Variants in RAB40C observed in about 807,000 individuals in gnomAD.
The protein encoded by RAB40C is ras-related protein Rab-40C.
In RAB40C, 8 loss-of-function variants were observed where a neutral mutation model predicts 28.1. The observed-to-expected ratio is 0.28, with a 90% CI of 0.17 to 0.51. RAB40C has a LOEUF of 0.51. Among genes scored for constraint, RAB40C ranks in the 20% least tolerant of loss-of-function variants. The pLI is 0.97. For missense variants in RAB40C, 288 were observed against 405.9 expected (o/e 0.71, Z 2.50); for synonymous variants, 201 against 171.7 (o/e 1.17, Z -1.34).
chr16:598,302 C>G (rs546807458), intron 1 of RAB40C, among the ~76,000 whole-genome samples: 1 of 151,224 alleles, frequency 6.6e-6, no homozygotes, highest in African/African-American at 2.4e-5. Context: ...GGCGTGAATC[C>G]AGGAGGCAGA....
intron 1 of RAB40C, among the ~76,000 whole-genome samples, 193 bp downstream of exon 1, chr16:590,626 C>T (rs1443548131): frequency 6.6e-6 from 1 of 152,196 alleles, no homozygotes; most frequent in Non-Finnish European, 1.5e-5. Context: ...CGCCGGGGGG[C>T]AGGAGGACGG....
At chr16:611,552 G>A (rs368119235) in intron 1 of RAB40C, among the ~76,000 whole-genome samples, 24 of 152,234 alleles carry the variant, frequency 1.6e-4, no homozygotes, top group Non-Finnish European at 3.1e-4. Context: ...CGGCCTGAGC[G>A]CGGTGCCTCC....
intron 3 of RAB40C, among the ~76,000 whole-genome samples, chr16:620,160 C>A (rs1045040696): frequency 2.0e-5 from 3 of 152,160 alleles, no homozygotes; most frequent in African/African-American, 7.2e-5. Flanking sequence ...TTTGGGAGGC[C>A]AAGGCAGACA....
chr16:609,824 C>T, intron 1 of RAB40C, among the ~76,000 whole-genome samples: 1 of 152,182 alleles, frequency 6.6e-6, no homozygotes, highest in East Asian at 1.9e-4. Flanking sequence ...GCAGAGGTCA[C>T]CCTGGCTGGC....
intron 4 of RAB40C, 108 bp from the exon 5 acceptor site, chr16:625,791 C>T (rs936671245): frequency 8.6e-7 from 1 of 1,166,326 alleles, no homozygotes; most frequent in Non-Finnish European, 1.2e-6. Context: ...CCTTGACCTC[C>T]CACGGCCCTC....
At chr16:608,423 C>T (rs998603705) in intron 1 of RAB40C, among the ~76,000 whole-genome samples, 1 of 152,222 alleles carries the variant, frequency 6.6e-6, no homozygotes, top group African/African-American at 2.4e-5. Flanking sequence ...ACCTCGTCCT[C>T]TGTCCTTTTT....
At position 600,568 on chromosome 16, in the gene RAB40C, T is replaced by C. The variant is rs577851836; in HGVS notation, c.142+10135T>C. 5.3e-5 allele frequency among the ~76,000 whole-genome samples: 8 copies of C among 152,274 alleles called. No individual in the cohort carries two copies. The South Asian group carries it at 1.7e-3, about 32-fold the overall frequency. ...GAGATCAAGACCGTTCTGACCAACA[T>C]GGTGAAACCCCGTCTCTACTAAAAA... is the stretch of plus-strand genomic sequence containing the variant. On this transcript the variant is annotated intron_variant, in intron 1 of 5. Transcript: ENST00000248139.
intron 1 of RAB40C, among the ~76,000 whole-genome samples, chr16:616,333 T>TTTTATTTATTTATTTATTTATTTA (rs57235517): frequency 4.4e-4 from 63 of 141,646 alleles, no homozygotes; most frequent in Admixed American, 9.8e-4. Flanking sequence ...AGAAGCAGCA[T>TTTTATTTATTTATTTATTTATTTA]TTTATTTATT....
At chr16:613,132 G>A (rs868127386) in intron 1 of RAB40C, among the ~76,000 whole-genome samples, 1 of 123,014 alleles carries the variant, frequency 8.1e-6, no homozygotes, top group African/African-American at 3.2e-5. Context: ...CTGGCCTGTA[G>A]AATCAAGAGC....
rs377620784 is a variant in RAB40C, at chr16:596,557, A to G, written c.142+6124A>G. ...GCAGGGAAAGGTGTCGGCGTCCAGC[A>G]TCCTGGTGCGGAGAACGCTGCCGAA... On this transcript the variant is annotated intron_variant, in intron 1 of 5. Coordinates refer to ENST00000248139, the MANE Select transcript of RAB40C (RefSeq NM_021168.5). 4 of 333,110 alleles carry G rather than the reference A, an allele frequency of 1.2e-5. No homozygotes were observed. In the East Asian group the frequency reaches 2.6e-4, roughly 22 times the overall value. 20.6% of individuals were successfully genotyped at this position (333,110 alleles called of 1,614,324 possible).
chr16:591,393 G>A (rs187180719), intron 1 of RAB40C, among the ~76,000 whole-genome samples: 3 of 152,230 alleles, frequency 2.0e-5, no homozygotes, highest in Admixed American at 1.3e-4. Flanking sequence ...AAGGTGTCAC[G>A]GACCCAGGTC....
At chr16:598,248 G>T (rs972520715) in intron 1 of RAB40C, among the ~76,000 whole-genome samples, 1 of 151,830 alleles carries the variant, frequency 6.6e-6, no homozygotes, top group African/African-American at 2.4e-5. Flanking sequence ...CATGGTGGCG[G>T]GCACCTGTAG....
At chr16:604,228 G>A (rs2036312220) in intron 1 of RAB40C, among the ~76,000 whole-genome samples, 1 of 128,622 alleles carries the variant, frequency 7.8e-6, no homozygotes. Context: ...CTCAGAGCTA[G>A]TTCTTTTAAA....
At chr16:617,719 T>C (rs1025898048) in intron 2 of RAB40C, among the ~76,000 whole-genome samples, 22 of 152,064 alleles carry the variant, frequency 1.4e-4, no homozygotes, top group Non-Finnish European at 1.6e-4. Context: ...GGCGGGCGCC[T>C]GTAGTCCCAG....
At chr16:600,471 G>A (rs974949021) in intron 1 of RAB40C, among the ~76,000 whole-genome samples, 6 of 152,020 alleles carry the variant, frequency 3.9e-5, no homozygotes, top group Non-Finnish European at 5.9e-5. Flanking sequence ...CTTTGGTGCC[G>A]GATGGGCACG....
At chr16:596,580 G>A in intron 1 of RAB40C, 1 of 324,144 alleles carries the variant, frequency 3.1e-6, no homozygotes, top group East Asian at 9.3e-5. Flanking sequence ...GAACGCTGCC[G>A]AACCACTGTG....
At position 596,726 on chromosome 16, in the gene RAB40C, G is replaced by A. The variant is rs543202754; in HGVS notation, c.142+6293G>A. ...GTGGGAAGAGGAGCAGCTGTGGGAA[G>A]AAGGACTGGCTGCCAAGACCATGGG... On this transcript the variant is annotated intron_variant, in intron 1 of 5. Coordinates refer to ENST00000248139, the MANE Select transcript of RAB40C (RefSeq NM_021168.5). Among the ~76,000 whole-genome samples the A allele has an allele frequency of 2.6e-5, 4 of 152,314 alleles. 1 individual carries two copies. The South Asian group carries it at 8.3e-4, about 32-fold the overall frequency.
chr16:595,585 C>T (rs1229009798), intron 1 of RAB40C, among the ~76,000 whole-genome samples: 1 of 151,296 alleles, frequency 6.6e-6, no homozygotes, highest in Admixed American at 6.6e-5. Context: ...TTCTGTGGGT[C>T]ATTATAACTT....
In RAB40C at chr16:621,736, G is replaced by A. The variant is rs542661962; in HGVS notation, c.264+3476G>A. On this transcript the variant is annotated intron_variant, in intron 3 of 5. Coordinates refer to ENST00000248139, the MANE Select transcript of RAB40C (RefSeq NM_021168.5). ...GGCTCCTTGTAACTGCAGTGTGGCT[G>A]ACGGGATGTGCCATCCTGTTTAGCT... Among the ~76,000 whole-genome samples, 9 of 152,356 alleles carry A rather than the reference G, an allele frequency of 5.9e-5. No homozygotes were observed. The East Asian group carries it at 1.7e-3, about 29-fold the overall frequency.
Sources: gnomAD v4.1 joint callset for allele counts (sites outside exome capture counted in the v4.1 genomes callset) on GRCh38, gnomAD v4.1.1 for gene constraint, MANE v1.5 for transcripts, NCBI Gene and HGNC (gene_info 2026-07-23, HGNC 2026-07-21) for gene names.